Variants in RGS12 observed in about 807,000 individuals in gnomAD.
RGS12 encodes regulator of G protein signaling 12, also known as regulator of G-protein signaling 12.
RGS12 carries 66 observed loss-of-function variants against 120.1 expected under a neutral mutation model. The observed-to-expected ratio is 0.55, with a 90% CI of 0.45 to 0.67. The LOEUF (loss-of-function observed/expected upper bound fraction) is 0.67, where lower values mean the gene tolerates loss of function less well. Ranked by LOEUF, RGS12 falls within the 30% of genes least tolerant of loss-of-function variation. The pLI, the probability that RGS12 is intolerant of heterozygous loss-of-function variation, is 0.00. For synonymous variants in RGS12, 827 were observed against 804.7 expected, an observed-to-expected ratio of 1.03 and a Z score of -0.47; for missense variants, 1,859 against 1,957.7, an observed-to-expected ratio of 0.95 and a Z score of 0.95.
chr4:3,314,989 G>T (rs915263136), intron 1 of RGS12: 3 of 152,248 alleles, frequency 2.0e-5, no homozygotes, highest in Admixed American at 1.3e-4. Flanking sequence ...GGAGTCCAGA[G>T]TCTGGGCACG....
intron 4 of RGS12, among the ~76,000 whole-genome samples, chr4:3,408,243 T>C (rs1334372886): frequency 6.6e-6 from 1 of 152,222 alleles, no homozygotes; most frequent in African/African-American, 2.4e-5. Flanking sequence ...AGGTGAGTGC[T>C]GCTCAGGGTT....
intron 4 of RGS12, among the ~76,000 whole-genome samples, chr4:3,406,249 C>T (rs1010734126): frequency 1.3e-5 from 2 of 152,196 alleles, no homozygotes; most frequent in East Asian, 1.9e-4. Flanking sequence ...CTGCCTGGGC[C>T]GCCCTGTGAA....
At chr4:3,398,944 C>G (rs1468703845) in intron 4 of RGS12, among the ~76,000 whole-genome samples, 1 of 152,144 alleles carries the variant, frequency 6.6e-6, no homozygotes, top group Non-Finnish European at 1.5e-5. Context: ...AGAATAGCTC[C>G]TGACAGCAGT....
At chr4:3,353,056 G>A (rs138177710) in intron 3 of RGS12, among the ~76,000 whole-genome samples, 2 of 152,226 alleles carry the variant, frequency 1.3e-5, no homozygotes, top group African/African-American at 2.4e-5. Flanking sequence ...TCCAGAGTGC[G>A]TGTGGTGTGC....
chr4:3,352,838 G>A (rs7691619), intron 3 of RGS12, among the ~76,000 whole-genome samples: 4,724 of 152,210 alleles, frequency 0.031, 230 homozygotes, highest in African/African-American at 0.1. Context: ...CCCTAGCTCT[G>A]TTGATCAGGG....
At chr4:3,432,404 G>A (rs1200466386) in intron 17 of RGS12, among the ~76,000 whole-genome samples, 1 of 152,244 alleles carries the variant, frequency 6.6e-6, no homozygotes, top group Non-Finnish European at 1.5e-5. Context: ...CTGGTGGCCC[G>A]GTGGCGGGTG....
At chr4:3,344,033 T>C (rs1436091733) in intron 3 of RGS12, among the ~76,000 whole-genome samples, 1 of 152,140 alleles carries the variant, frequency 6.6e-6, no homozygotes, top group Non-Finnish European at 1.5e-5. Flanking sequence ...CTTACGGCAT[T>C]CTTGTACATG....
intron 3 of RGS12, among the ~76,000 whole-genome samples, chr4:3,368,707 TGGGGGTGCCTGTGTGTGTTG>T (rs1161241060): frequency 1.4e-3 from 53 of 37,588 alleles, no homozygotes; most frequent in South Asian, 7.0e-3. Flanking sequence ...CTGTGTGTGT[TGGGGGTGCCTGTGTGTGTTG>T]GGGGGTGCCT....
chr4:3,362,931 G>A (rs534531487), intron 3 of RGS12, among the ~76,000 whole-genome samples: 6 of 145,958 alleles, frequency 4.1e-5, no homozygotes, highest in East Asian at 4.2e-4. Context: ...CATTTGGAAC[G>A]CGAAGGGGTG....
At chr4:3,296,381 G>A (rs1305656093) in intron 1 of RGS12, among the ~76,000 whole-genome samples, 2 of 151,772 alleles carry the variant, frequency 1.3e-5, no homozygotes, top group African/African-American at 4.8e-5. Context: ...GTAGAGATGG[G>A]GTCTCACTAT....
chr4:3,369,513 G>A (rs574702068), intron 3 of RGS12, among the ~76,000 whole-genome samples: 1 of 152,240 alleles, frequency 6.6e-6, no homozygotes, highest in Admixed American at 6.5e-5. Context: ...TAATGGCGAA[G>A]CTTCCCTCAA....
chr4:3,330,295 A>T (rs1051214246), intron 2 of RGS12, among the ~76,000 whole-genome samples: 2 of 152,248 alleles, frequency 1.3e-5, no homozygotes, highest in African/African-American at 4.8e-5. Context: ...AAGGCATTCC[A>T]CAGATAAGGA....
Position 3,316,887 on chromosome 4 carries a change from G to C in RGS12, c.717G>C (p.Glu239Asp). Residue 239 changes from glutamate (E) to aspartate (D), a missense_variant, in exon 2 of 18, where the codon GAG (glutamate) becomes GAC (aspartate). Glu to Asp is a conservative substitution (Grantham distance 45). This residue lies in a region of RGS12 where 967 missense variants were observed against 994.2 expected (regional missense o/e 0.97). Coordinates refer to ENST00000336727, the MANE Select transcript of RGS12 (RefSeq NM_001394154.1). ...AMIVGYLGSI[E>D]LPSTSSNLES... ...TCGTGGGCTACTTAGGCTCCATTGAGCTTCCTTCCACGAGCTCCAACCTGG... is the reference window on the plus strand; with the variant it reads ...TCGTGGGCTACTTAGGCTCCATTGACCTTCCTTCCACGAGCTCCAACCTGG... The C allele has an allele frequency of 1.2e-6, 2 of 1,614,092 alleles. No homozygotes were observed. The highest frequency in any genetic ancestry group is 1.7e-6 in the Non-Finnish European group (2 of 1,180,044).
rs1030181837 is a variant in RGS12, at chr4:3,317,317, C to T, written c.1147C>T (p.Leu383=). 9 of 1,614,176 alleles carry T rather than the reference C, an allele frequency of 5.6e-6. No individual in the cohort carries two copies. Among genetic ancestry groups the T allele is most frequent in the South Asian group, 2.2e-5 (2 of 91,086 alleles). The change falls in exon 2 of 18, where the codon CTG becomes TTG. Residue 383 remains leucine (L), a synonymous_variant. Coordinates refer to ENST00000336727, the MANE Select transcript of RGS12 (RefSeq NM_001394154.1). Reference sequence around the variant, plus strand: ...ATTCCCGGCGTCCTCCCTCCCCGTCCTGCAGTTCATCTCTGTCCTGTACCG... The same window carrying T: ...ATTCCCGGCGTCCTCCCTCCCCGTCTTGCAGTTCATCTCTGTCCTGTACCG... ...LEFPASSLPV[L]QFISVLYRDM...
At chr4:3,362,868 G>GGTGT (rs747669926) in intron 3 of RGS12, among the ~76,000 whole-genome samples, 4 of 121,722 alleles carry the variant, frequency 3.3e-5, no homozygotes, top group South Asian at 5.9e-4. Flanking sequence ...TGTGTGCGAG[G>GGTGT]GTGTGTGTGT....
At chr4:3,313,295 G>T (rs1006744536) in intron 1 of RGS12, among the ~76,000 whole-genome samples, 1 of 152,198 alleles carries the variant, frequency 6.6e-6, no homozygotes, top group Admixed American at 6.5e-5. Context: ...AGAGAAAGCC[G>T]AGAGGTGTTC....
intron 17 of RGS12, among the ~76,000 whole-genome samples, chr4:3,435,839 C>G (rs577584367): frequency 3.9e-5 from 6 of 152,300 alleles, no homozygotes; most frequent in Admixed American, 3.9e-4. Flanking sequence ...TGGCCTACCC[C>G]CATGTTCCCT....
At position 3,389,392 on chromosome 4, in the gene RGS12, G is replaced by A. The variant is rs1435707078; in HGVS notation, c.2020+2955G>A. Among the ~76,000 whole-genome samples, 1 of 152,152 alleles carries A rather than the reference G, an allele frequency of 6.6e-6. No individual in the cohort carries two copies. The highest frequency in any genetic ancestry group is 1.5e-5 in the Non-Finnish European group (1 of 68,022). On this transcript the variant is annotated intron_variant, in intron 4 of 17. Transcript: ENST00000336727. This position sits in a 1 kb window ranked among gnomAD's most constrained non-coding sequence, Gnocchi z 5.2. ...GAGAGGCTTAGCAGGGGAATGGTCT[G>A]CCTTGTGGGAAGTTATTCAGACAGA...
intron 10 of RGS12, 68 bp downstream of exon 10, chr4:3,420,786 C>T (rs1722935182): frequency 7.8e-7 from 1 of 1,280,666 alleles, no homozygotes; most frequent in Non-Finnish European, 1.1e-6. Context: ...GATGACACCT[C>T]TCTCCCATGG....
Sources: gnomAD v4.1 joint callset for allele counts (sites outside exome capture counted in the v4.1 genomes callset) on GRCh38, gnomAD v4.1.1 for gene constraint, gnomAD v4.1.1 regional missense constraint, Gnocchi (gnomAD v3.1) non-coding constraint, MANE v1.5 for transcripts, NCBI Gene and HGNC (gene_info 2026-07-23, HGNC 2026-07-21) for gene names.